The following ZNF215 variants were observed in gnomAD, a reference collection of about 807,000 sequenced individuals.
The protein encoded by ZNF215 is zinc finger protein 215.
ZNF215 carries 24 observed loss-of-function variants against 27.2 expected under a neutral mutation model. That is an observed-to-expected ratio of 0.88 (90% CI 0.64 to 1.24). The LOEUF is 1.24. Ranked by LOEUF, ZNF215 falls within the 50% of genes most tolerant of loss-of-function variation. The probability of loss-of-function intolerance (pLI) is 0.00; values close to 1 mark genes in which losing one functional copy is unlikely to be tolerated. For missense variants in ZNF215, 675 were observed against 605.7 expected (o/e 1.11, Z -1.20); for synonymous variants, 210 against 204.0 (o/e 1.03, Z -0.25).
At position 6,954,423 on chromosome 11, in the gene ZNF215, A is replaced by G. The variant is rs2133287583; in HGVS notation, c.713-1267A>G. 2.0e-5 allele frequency among the ~76,000 whole-genome samples: 3 copies of G among 152,266 alleles called. No homozygotes were observed. The Middle Eastern group carries it at 0.01, about 518-fold the overall frequency. On this transcript the variant is annotated intron_variant, in intron 6 of 6. Coordinates refer to ENST00000278319, the MANE Select transcript of ZNF215 (RefSeq NM_013250.4). Reference sequence around the variant, plus strand: ...AGCTTCCTGGCTGCTTTGTTCACCTAAGCAAGCCTGGGCAATGGCGGGAGC... The same window carrying G: ...AGCTTCCTGGCTGCTTTGTTCACCTGAGCAAGCCTGGGCAATGGCGGGAGC...
intron 3 of ZNF215, among the ~76,000 whole-genome samples, chr11:6,934,640 C>T (rs929695524): frequency 6.6e-6 from 1 of 152,158 alleles, no homozygotes; most frequent in South Asian, 2.1e-4. Flanking sequence ...AGCTCTTGCT[C>T]ACTCATGGTG....
downstream of ZNF215, among the ~76,000 whole-genome samples, chr11:6,989,267 AC>A (rs768413127): frequency 8.5e-5 from 13 of 152,200 alleles, no homozygotes; most frequent in Non-Finnish European, 1.9e-4. Context: ...CTGGGAAAAA[AC>A]ATCAGCAGTC....
intron 6 of ZNF215, among the ~76,000 whole-genome samples, chr11:6,949,248 C>G (rs188836165): frequency 0.016 from 2,380 of 152,152 alleles, 33 homozygotes; most frequent in Non-Finnish European, 0.027. Flanking sequence ...ATTTATAATC[C>G]TTTGGGTATA....
At chr11:6,962,305 C>G (rs144649769), downstream of ZNF215, among the ~76,000 whole-genome samples, 244 of 152,240 alleles carry the variant, frequency 1.6e-3, 6 homozygotes, top group East Asian at 0.038. Context: ...CCTCTTATCT[C>G]CTGCCAGGGA....
downstream of ZNF215, among the ~76,000 whole-genome samples, chr11:6,985,833 G>A (rs1286573082): frequency 6.6e-6 from 1 of 151,996 alleles, no homozygotes; most frequent in Non-Finnish European, 1.5e-5. Context: ...GAGCCAAGGA[G>A]GTGAAGAATC....
intron 3 of ZNF215, among the ~76,000 whole-genome samples, chr11:6,938,136 C>A (rs1350290046): frequency 6.6e-6 from 1 of 151,860 alleles, no homozygotes; most frequent in African/African-American, 2.4e-5. Context: ...AGAACTCTTA[C>A]AATTCAATAA....
chr11:6,979,718 T>C (rs1467051322), intron 5 of ZNF215, among the ~76,000 whole-genome samples: 2 of 152,074 alleles, frequency 1.3e-5, no homozygotes, highest in African/African-American at 2.4e-5. Flanking sequence ...TATAATAAAA[T>C]ACTAATAAAA....
At chr11:6,989,039 CCCAA>C (rs1851090290), downstream of ZNF215, 1 of 151,288 alleles carries the variant, frequency 6.6e-6, no homozygotes, top group Non-Finnish European at 1.5e-5. Context: ...TGCCTGTAAT[CCCAA>C]CTACTCGGAG....
chr11:6,928,388 A>C (rs1007367067), intron 2 of ZNF215, among the ~76,000 whole-genome samples: 1 of 152,066 alleles, frequency 6.6e-6, no homozygotes, highest in Non-Finnish European at 1.5e-5. Context: ...TTTTCTGAGA[A>C]TTTTGCCAAA....
chr11:6,951,962 T>A lies in ZNF215; in HGVS notation c.713-3728T>A, dbSNP rs542004081. Among the ~76,000 whole-genome samples the A allele has an allele frequency of 4.6e-5, 7 of 152,298 alleles. No homozygotes were observed. In the East Asian group the frequency reaches 1.3e-3, roughly 29 times the overall value. ...TTGTTCTCACTGGTTTCAAAGAACA[T>A]CTTTATTTCTGCCTTCATTTCGTTA... is the stretch of plus-strand genomic sequence containing the variant. On this transcript the variant is annotated intron_variant, in intron 6 of 6. Transcript: ENST00000278319.
intron 5 of ZNF215, among the ~76,000 whole-genome samples, chr11:6,965,493 A>C (rs1403089224): frequency 6.6e-6 from 1 of 152,074 alleles, no homozygotes; most frequent in East Asian, 1.9e-4. Flanking sequence ...TTATAGACAA[A>C]TCTAAAGATC....
At chr11:6,964,341 G>A (rs1018950591) in intron 5 of ZNF215, among the ~76,000 whole-genome samples, 3 of 151,910 alleles carry the variant, frequency 2.0e-5, no homozygotes, top group African/African-American at 7.2e-5. Context: ...TGCTTTCACT[G>A]TCATACCTAA....
At chr11:6,934,461 C>T (rs925998763) in intron 3 of ZNF215, among the ~76,000 whole-genome samples, 5 of 152,060 alleles carry the variant, frequency 3.3e-5, no homozygotes, top group African/African-American at 1.2e-4. Context: ...ATTCTACAAG[C>T]CTGTACATCA....
intron 6 of ZNF215, among the ~76,000 whole-genome samples, chr11:6,949,530 G>T (rs1400640327): frequency 6.6e-6 from 1 of 151,582 alleles, no homozygotes; most frequent in Admixed American, 6.6e-5. Flanking sequence ...TGTGTTTTTT[G>T]GCTGTATAAA....
At chr11:6,988,186 T>G (rs186588871), downstream of ZNF215, 62 of 985,344 alleles carry the variant, frequency 6.3e-5, no homozygotes, top group African/African-American at 9.6e-4. Flanking sequence ...ATTATACCCA[T>G]GACTTATACC....
At chr11:6,944,849 C>T (rs531168062) in intron 6 of ZNF215, among the ~76,000 whole-genome samples, 4 of 152,144 alleles carry the variant, frequency 2.6e-5, no homozygotes, top group East Asian at 1.9e-4. Context: ...AACATACCAT[C>T]GTGATTACCT....
At chr11:6,972,367 T>A (rs2133337066) in intron 5 of ZNF215, among the ~76,000 whole-genome samples, 1 of 151,388 alleles carries the variant, frequency 6.6e-6, no homozygotes, top group African/African-American at 2.4e-5. Context: ...TTGGCCCACA[T>A]AATTCATCAG....
chr11:6,980,955 CTGCATAGTATTCCATGGT>C (rs1162959040), intron 5 of ZNF215, among the ~76,000 whole-genome samples: 1 of 150,102 alleles, frequency 6.7e-6, no homozygotes, highest in Non-Finnish European at 1.5e-5. Context: ...TTTCTTATGG[CTGCATAGTATTCCATGGT>C]GTATATGTGC....
downstream of ZNF215, chr11:6,958,140 A>T: frequency 1.1e-6 from 1 of 899,014 alleles, no homozygotes; most frequent in Non-Finnish European, 1.3e-6. Flanking sequence ...ACAAGAGATA[A>T]CTTGTAGAGA....
Sources: gnomAD v4.1 joint callset for allele counts (sites outside exome capture counted in the v4.1 genomes callset) on GRCh38, gnomAD v4.1.1 for gene constraint, MANE v1.5 for transcripts, NCBI Gene and HGNC (gene_info 2026-07-23, HGNC 2026-07-21) for gene names.